The following HHAT variants were observed in gnomAD, a reference collection of about 807,000 sequenced individuals.
HHAT encodes the protein protein-cysteine N-palmitoyltransferase HHAT.
Under a neutral mutation model 70.8 loss-of-function variants are expected in HHAT, and 47 were observed. That is an observed-to-expected ratio of 0.66 (90% CI 0.53 to 0.85). The LOEUF (loss-of-function observed/expected upper bound fraction) is 0.85. Among genes scored for constraint, HHAT ranks in the 40% least tolerant of loss-of-function variants. The pLI is 0.00. For missense variants in HHAT, 609 were observed against 604.8 expected (o/e 1.01, Z -0.07); for synonymous variants, 228 against 247.6 (o/e 0.92, Z 0.74).
At chr1:210,382,591 T>A (rs1475437721) in intron 3 of HHAT, among the ~76,000 whole-genome samples, 1 of 152,108 alleles carries the variant, frequency 6.6e-6, no homozygotes, top group Admixed American at 6.6e-5. Flanking sequence ...GGAATAAAAG[T>A]GATATAATAA....
chr1:210,456,257 A>G (rs1332509705), intron 7 of HHAT, among the ~76,000 whole-genome samples: 1 of 152,158 alleles, frequency 6.6e-6, no homozygotes, highest in East Asian at 1.9e-4. Context: ...TTCTAGTTTT[A>G]GGGATGTGAT....
At chr1:210,464,444 C>T (rs1454256824) in intron 7 of HHAT, 61 bp from the exon 8 acceptor site, 5 of 1,570,056 alleles carry the variant, frequency 3.2e-6, no homozygotes, top group Non-Finnish European at 4.4e-6. Flanking sequence ...GGGTGTTGGT[C>T]TCCTCCAGGA....
intron 9 of HHAT, among the ~76,000 whole-genome samples, chr1:210,584,324 A>C (rs973618664): frequency 2.0e-5 from 3 of 152,122 alleles, no homozygotes; most frequent in African/African-American, 7.2e-5. Flanking sequence ...AATCTGTTTT[A>C]TAAAACAGCC....
At chr1:210,470,835 C>T (rs719834) in intron 8 of HHAT, among the ~76,000 whole-genome samples, 19,219 of 152,190 alleles carry the variant, frequency 0.13, 1,560 homozygotes, top group South Asian at 0.22. Context: ...CCACTACTTA[C>T]TAGCTGATGA....
At chr1:210,354,385 A>G (rs1475136540) in intron 2 of HHAT, among the ~76,000 whole-genome samples, 1 of 151,838 alleles carries the variant, frequency 6.6e-6, no homozygotes, top group Non-Finnish European at 1.5e-5. Flanking sequence ...TTGTATTTTT[A>G]GTAAAGACAG....
chr1:210,368,399 C>G (rs1170033611), intron 3 of HHAT, among the ~76,000 whole-genome samples: 1 of 152,160 alleles, frequency 6.6e-6, no homozygotes, highest in African/African-American at 2.4e-5. Flanking sequence ...TCAAGTGATT[C>G]TCTTGCCTCA....
intron 9 of HHAT, among the ~76,000 whole-genome samples, chr1:210,552,506 A>C (rs954946973): frequency 2.0e-5 from 3 of 152,226 alleles, no homozygotes; most frequent in Non-Finnish European, 4.4e-5. Context: ...CTTTGAAGGA[A>C]TTAGGCAAAC....
chr1:210,508,893 A>C (rs1337366860), intron 8 of HHAT, among the ~76,000 whole-genome samples: 1 of 152,218 alleles, frequency 6.6e-6, no homozygotes, highest in Non-Finnish European at 1.5e-5. Context: ...TTTCATTTTT[A>C]AAATGTTGAA....
intron 9 of HHAT, among the ~76,000 whole-genome samples, chr1:210,550,669 T>C (rs6686939): frequency 0.014 from 2,070 of 148,914 alleles, 189 homozygotes; most frequent in African/African-American, 0.044. Flanking sequence ...TCTACAGAAG[T>C]GATGCCTTTT....
rs1365991028 is a variant in HHAT at position 210,404,515 on chromosome 1, A to C, written c.520A>C (p.Thr174Pro). The change falls in exon 6 of 12, where the codon ACC (threonine) becomes CCC (proline). Residue 174 changes from threonine (T) to proline (P), a missense_variant. Thr to Pro is a conservative substitution (Grantham distance 38). Coordinates refer to ENST00000261458, the MANE Select transcript of HHAT (RefSeq NM_018194.6). ...NEYYLLQFTL[T>P]VRCLYYTSFS... The stretch of plus-strand genomic sequence containing the variant: ...GTACTACCTGCTGCAGTTCACGCTG[A>C]CCGTTCGCTGCCTGTACTACACCAG... 6.2e-7 allele frequency: 1 copy of C among 1,613,454 alleles called. No individual in the cohort carries two copies. The highest frequency in any genetic ancestry group is 8.5e-7 in the Non-Finnish European group (1 of 1,179,966).
intron 11 of HHAT, among the ~76,000 whole-genome samples, chr1:210,648,543 C>T (rs557483104): frequency 3.9e-5 from 6 of 152,298 alleles, no homozygotes; most frequent in African/African-American, 1.4e-4. Flanking sequence ...GTTCTTTACT[C>T]ATTGGTGGAG....
chr1:210,612,774 G>A (rs539177647), intron 10 of HHAT, among the ~76,000 whole-genome samples: 2 of 152,112 alleles, frequency 1.3e-5, no homozygotes, highest in South Asian at 2.1e-4. Flanking sequence ...CAATACGTAG[G>A]GCTTAAGATT....
chr1:210,424,427 GT>G lies in HHAT; in HGVS notation c.856+6110del, dbSNP rs893036425. Reference sequence around the variant, plus strand: ...ATAGTTTTTTTGGTAGAGTCTTTAGGTTTTTTTTCTTTTTTTTTAACTCTCT... The same window carrying G: ...ATAGTTTTTTTGGTAGAGTCTTTAGGTTTTTTTCTTTTTTTTTAACTCTCT... On this transcript the variant is annotated intron_variant, in intron 7 of 11. Transcript: ENST00000261458. Among the ~76,000 whole-genome samples, 21 of 139,942 alleles carry G rather than the reference GT, an allele frequency of 1.5e-4. 1 individual carries two copies. Among genetic ancestry groups the G allele is most frequent in the African/African-American group, 4.3e-4 (17 of 39,102 alleles). 91.8% of individuals were successfully genotyped at this position (139,942 alleles called of 152,430 possible). A position where few individuals can be genotyped will look rare whatever the true frequency, so the allele number is the denominator to read the frequency against.
At chr1:210,398,165 A>G (rs1354898326) in intron 4 of HHAT, among the ~76,000 whole-genome samples, 5 of 152,356 alleles carry the variant, frequency 3.3e-5, no homozygotes, top group South Asian at 4.1e-4. Context: ...TAGCATTTTT[A>G]TAGACAAAGT....
intron 8 of HHAT, among the ~76,000 whole-genome samples, chr1:210,503,025 G>A (rs564929537): frequency 6.6e-6 from 1 of 151,914 alleles, no homozygotes; most frequent in African/African-American, 2.4e-5. Flanking sequence ...GAGTGCAGTG[G>A]CACAATCCTG....
At chr1:210,454,054 T>C (rs566093619) in intron 7 of HHAT, among the ~76,000 whole-genome samples, 15 of 152,204 alleles carry the variant, frequency 9.9e-5, no homozygotes, top group African/African-American at 3.1e-4. Flanking sequence ...ACCCATCAGA[T>C]CTTGTGAGAC....
At chr1:210,450,818 A>G (rs2093739128) in intron 7 of HHAT, among the ~76,000 whole-genome samples, 3 of 151,910 alleles carry the variant, frequency 2.0e-5, no homozygotes, top group South Asian at 4.1e-4. Flanking sequence ...TTCCTACACT[A>G]TGGGATAGGG....
At chr1:210,602,503 T>C (rs1482620056) in intron 10 of HHAT, among the ~76,000 whole-genome samples, 2 of 152,208 alleles carry the variant, frequency 1.3e-5, no homozygotes, top group Non-Finnish European at 2.9e-5. Context: ...AAGTCAGGCA[T>C]GGGCATTCTG....
chr1:210,535,437 G>GTGTT (rs1290475975), intron 9 of HHAT, among the ~76,000 whole-genome samples: 2 of 151,890 alleles, frequency 1.3e-5, no homozygotes, highest in Non-Finnish European at 2.9e-5. Context: ...GTGTTTGTGT[G>GTGTT]TGTGTGTGTG....
Sources: allele counts gnomAD v4.1 joint callset (sites outside exome capture counted in the v4.1 genomes callset), GRCh38; gene constraint gnomAD v4.1.1; transcripts MANE v1.5; gene names NCBI Gene and HGNC (gene_info 2026-07-23, HGNC 2026-07-21).